Variants in KRTAP10-11 observed in about 807,000 individuals in gnomAD.
KRTAP10-11 encodes keratin-associated protein 10-11.
For missense variants in KRTAP10-11, 401 were observed against 378.8 expected (o/e 1.06, Z -0.49); for synonymous variants, 188 against 161.1 (o/e 1.17, Z -1.27).
chr21:44,647,262 C>G lies in KRTAP10-11; in HGVS notation c.804C>G (p.Cys268Trp). The change falls in exon 1 of 1, where the codon TGC (cysteine) becomes TGG (tryptophan). Residue 268 changes from cysteine to tryptophan, a missense_variant. Physicochemically the swap from Cys to Trp is radical, Grantham distance 215. Transcript: ENST00000334670. ...APTSSCQSSC[C>W]RPASCVSLLC... ...CCTCCTCCTGCCAGTCCAGCTGCTG[C>G]CGCCCGGCCTCCTGCGTGTCCCTCC... 2.5e-6 allele frequency: 4 copies of G among 1,601,810 alleles called. No individual in the cohort carries two copies. The highest frequency in any genetic ancestry group is 3.4e-6 in the Non-Finnish European group (4 of 1,172,812).
At position 44,647,066 on chromosome 21, in the gene KRTAP10-11, G is replaced by T; in HGVS notation, c.608G>T (p.Cys203Phe). The T allele has an allele frequency of 2.5e-6, 4 of 1,613,802 alleles. No homozygotes were observed. Among genetic ancestry groups the T allele is most frequent in the Non-Finnish European group, 3.4e-6 (4 of 1,179,898 alleles). The change falls in exon 1 of 1, where the codon TGC becomes TTC. Residue 203 changes from cysteine to phenylalanine, a missense_variant. Physicochemically the swap from Cys to Phe is radical, Grantham distance 205. Transcript: ENST00000334670. ...CCKTVYCKPI[C>F]CVPVCSRASS... ...AAGACTGTCTACTGCAAGCCCATCT[G>T]CTGTGTGCCTGTCTGCTCTAGGGCT...
In KRTAP10-11 at chr21:44,647,084, C is replaced by G. The variant is rs782528839; in HGVS notation, c.626C>G (p.Ser209Cys). 3.7e-6 allele frequency: 6 copies of G among 1,613,374 alleles called. No homozygotes were observed. In the South Asian group the frequency reaches 5.5e-5, roughly 15 times the overall value. Residue 209 changes from serine to cysteine, a missense_variant, in exon 1 of 1, where the codon TCT becomes TGT. Transcript: ENST00000334670. ...CCCATCTGCTGTGTGCCTGTCTGCTCTAGGGCTTCCTCTTCACGCTGCCAG... is the reference window on the plus strand; with the variant it reads ...CCCATCTGCTGTGTGCCTGTCTGCTGTAGGGCTTCCTCTTCACGCTGCCAG... ...CKPICCVPVCSRASSSRCQQP... is the reference protein window; with the variant it reads ...CKPICCVPVCCRASSSRCQQP...
rs1555940086 is a variant in KRTAP10-11, at chr21:44,646,912, T to A, written c.454T>A (p.Cys152Ser). 1 of 1,613,596 alleles carries A rather than the reference T, an allele frequency of 6.2e-7. No homozygotes were observed. Among genetic ancestry groups the A allele is most frequent in the African/African-American group, 1.3e-5 (1 of 74,724 alleles). The stretch of plus-strand genomic sequence containing the variant: ...GCCGGCCTGCTGTGTGCCCGTCTGC[T>A]GCAAGCCTGTGTGCTGTGTGTCCAC... Reference protein sequence around the residue: ...CQPACCVPVCCKPVCCVSTCS... With the variant: ...CQPACCVPVCSKPVCCVSTCS... The change falls in exon 1 of 1, where the codon TGC becomes AGC. Residue 152 changes from cysteine (C) to serine (S), a missense_variant. Physicochemically the swap from Cys to Ser is moderately radical, Grantham distance 112. Transcript: ENST00000334670.
At position 44,647,222 on chromosome 21, in the gene KRTAP10-11, C is replaced by G; in HGVS notation, c.764C>G (p.Ser255Cys). The change falls in exon 1 of 1, where the codon TCC becomes TGC. Residue 255 changes from serine to cysteine, a missense_variant. Coordinates refer to ENST00000334670, the MANE Select transcript of KRTAP10-11 (RefSeq NM_198692.3). Reference sequence around the variant, plus strand: ...TCCACCTGCTGTGTGCCCGTCTCCTCCTGCTGTGCCCCCACCTCCTCCTGC... The same window carrying G: ...TCCACCTGCTGTGTGCCCGTCTCCTGCTGCTGTGCCCCCACCTCCTCCTGC... ...CRSTCCVPVS[S>C]CCAPTSSCQS... 6.2e-7 allele frequency: 1 copy of G among 1,613,864 alleles called. No individual in the cohort carries two copies. The highest frequency in any genetic ancestry group is 1.1e-5 in the South Asian group (1 of 91,002).
In KRTAP10-11 at chr21:44,647,348, G is replaced by A; in HGVS notation, c.890G>A (p.Ser297Asn). Residue 297 changes from serine (S) to asparagine (N), a missense_variant, in exon 1 of 1, where the codon AGC becomes AAC. Coordinates refer to ENST00000334670, the MANE Select transcript of KRTAP10-11 (RefSeq NM_198692.3). ...AGCCTCTGCTCAGGCAAGAAGTCCA[G>A]CTGCTGAGTGCTCAATCCTTGTCTC... ...CYSLCSGKKS[S>N]C The A allele has an allele frequency of 6.2e-7, 1 of 1,613,460 alleles. No individual in the cohort carries two copies.
At position 44,647,185 on chromosome 21, in the gene KRTAP10-11, C is replaced by A. The variant is rs1984475622; in HGVS notation, c.727C>A (p.Pro243Thr). 1 of 1,613,772 alleles carries A rather than the reference C, an allele frequency of 6.2e-7. No homozygotes were observed. Among genetic ancestry groups the A allele is most frequent in the African/African-American group, 1.3e-5 (1 of 74,878 alleles). Reference sequence around the variant, plus strand: ...CTCCTCTGTGTCCCTCCTCTGCCACCCCGTGTGCAGGTCCACCTGCTGTGT... The same window carrying A: ...CTCCTCTGTGTCCCTCCTCTGCCACACCGTGTGCAGGTCCACCTGCTGTGT... ...PSSSVSLLCH[P>T]VCRSTCCVPV... The change falls in exon 1 of 1, where the codon CCC becomes ACC. Residue 243 changes from proline to threonine, a missense_variant. Transcript: ENST00000334670.
Position 44,647,256 on chromosome 21 carries a change from C to T in KRTAP10-11, c.798C>T (p.Ser266=), listed in dbSNP as rs587660459. The change falls in exon 1 of 1, where the codon AGC becomes AGT. Residue 266 remains serine, a synonymous_variant. Coordinates refer to ENST00000334670, the MANE Select transcript of KRTAP10-11 (RefSeq NM_198692.3). ...CCCCCACCTCCTCCTGCCAGTCCAG[C>T]TGCTGCCGCCCGGCCTCCTGCGTGT... ...CCAPTSSCQS[S]CCRPASCVSL... The T allele has an allele frequency of 7.5e-5, 120 of 1,602,898 alleles. No homozygotes were observed. The South Asian group carries it at 1.2e-3, about 16-fold the overall frequency.
chr21:44,647,245 T>C lies in KRTAP10-11; in HGVS notation c.787T>C (p.Cys263Arg), dbSNP rs376625605. Residue 263 changes from cysteine to arginine, a missense_variant, in exon 1 of 1, where the codon TGC becomes CGC. By Grantham distance (180) the Cys-to-Arg change is radical (BLOSUM62 -3). Coordinates refer to ENST00000334670, the MANE Select transcript of KRTAP10-11 (RefSeq NM_198692.3). ...VSSCCAPTSS[C>R]QSSCCRPASC... Reference sequence around the variant, plus strand: ...CTCCTGCTGTGCCCCCACCTCCTCCTGCCAGTCCAGCTGCTGCCGCCCGGC... The same window carrying C: ...CTCCTGCTGTGCCCCCACCTCCTCCCGCCAGTCCAGCTGCTGCCGCCCGGC... 35 of 1,604,646 alleles carry C rather than the reference T, an allele frequency of 2.2e-5. No homozygotes were observed. Among genetic ancestry groups the C allele is most frequent in the South Asian group, 4.5e-5 (4 of 89,698 alleles).
At position 44,647,278 on chromosome 21, in the gene KRTAP10-11, G is replaced by A. The variant is rs78821735; in HGVS notation, c.820G>A (p.Val274Met). 2.1e-3 allele frequency: 3,427 copies of A among 1,611,948 alleles called. 71 individuals are homozygous for A. In the African/African-American group the frequency reaches 0.04, roughly 19 times the overall value. Residue 274 changes from valine (V) to methionine (M), a missense_variant, in exon 1 of 1, where the codon GTG becomes ATG. Transcript: ENST00000334670. ...CAGCTGCTGCCGCCCGGCCTCCTGC[G>A]TGTCCCTCCTCTGCCGCCCCGCAAG... Reference protein sequence around the residue: ...QSSCCRPASCVSLLCRPASSR... With the variant: ...QSSCCRPASCMSLLCRPASSR...
At position 44,646,565 on chromosome 21, in the gene KRTAP10-11, G is replaced by A. The variant is rs954515995; in HGVS notation, c.107G>A (p.Cys36Tyr). 1.9e-6 allele frequency: 3 copies of A among 1,612,380 alleles called. No individual in the cohort carries two copies. Among genetic ancestry groups the A allele is most frequent in the Non-Finnish European group, 2.5e-6 (3 of 1,179,910 alleles). ...CCEPPCSAPS[C>Y]CAPAPSLSLV... Reference sequence around the variant, plus strand: ...GAGCCCCCCTGCAGCGCCCCCAGCTGCTGCGCCCCGGCCCCCTCCCTGAGC... The same window carrying A: ...GAGCCCCCCTGCAGCGCCCCCAGCTACTGCGCCCCGGCCCCCTCCCTGAGC... The change falls in exon 1 of 1, where the codon TGC (cysteine) becomes TAC (tyrosine). Residue 36 changes from cysteine to tyrosine, a missense_variant. Coordinates refer to ENST00000334670, the MANE Select transcript of KRTAP10-11 (RefSeq NM_198692.3).
chr21:44,647,458 A>G lies in KRTAP10-11; in HGVS notation c.*103A>G. The G allele has an allele frequency of 7.5e-7, 1 of 1,329,952 alleles. No individual in the cohort carries two copies. The highest frequency in any genetic ancestry group is 2.5e-5 in the East Asian group (1 of 40,758). 82.4% of individuals were successfully genotyped at this position (1,329,952 alleles called of 1,614,324 possible). A position where few individuals can be genotyped will look rare whatever the true frequency, so the allele number is the denominator to read the frequency against. Reference sequence around the variant, plus strand: ...CTCAGAATCCACCAGCTCCATCAGTAGCCACAGAGCTGCTGCCTGAAGGGG... The same window carrying G: ...CTCAGAATCCACCAGCTCCATCAGTGGCCACAGAGCTGCTGCCTGAAGGGG... On this transcript the variant is annotated 3_prime_UTR_variant, in exon 1 of 1. Coordinates refer to ENST00000334670, the MANE Select transcript of KRTAP10-11 (RefSeq NM_198692.3).
Position 44,647,382 on chromosome 21 carries a change from T to G in KRTAP10-11, c.*27T>G. 1 of 1,604,320 alleles carries G rather than the reference T, an allele frequency of 6.2e-7. No individual in the cohort carries two copies. Among genetic ancestry groups the G allele is most frequent in the Non-Finnish European group, 8.5e-7 (1 of 1,173,620 alleles). On this transcript the variant is annotated 3_prime_UTR_variant, in exon 1 of 1. Transcript: ENST00000334670. Reference sequence around the variant, plus strand: ...TGCTCAATCCTTGTCTCCTGCTGACTGTGTCTTTGCTGCCAAGCAGGATTC... The same window carrying G: ...TGCTCAATCCTTGTCTCCTGCTGACGGTGTCTTTGCTGCCAAGCAGGATTC...
Position 44,647,619 on chromosome 21 carries a change from T to G in KRTAP10-11, c.*264T>G. ...TATACCCAATGTGACAAAGAAGAACTGCTCTAATCAATAAATTCTTGAGTC... is the reference window on the plus strand; with the variant it reads ...TATACCCAATGTGACAAAGAAGAACGGCTCTAATCAATAAATTCTTGAGTC... On this transcript the variant is annotated 3_prime_UTR_variant, in exon 1 of 1. Coordinates refer to ENST00000334670, the MANE Select transcript of KRTAP10-11 (RefSeq NM_198692.3). 2 of 540,122 alleles carry G rather than the reference T, an allele frequency of 3.7e-6. No homozygotes were observed. Among genetic ancestry groups the G allele is most frequent in the Non-Finnish European group, 6.8e-6 (2 of 292,006 alleles). 33.5% of individuals were successfully genotyped at this position (540,122 alleles called of 1,614,324 possible). A position where few individuals can be genotyped will look rare whatever the true frequency, so the allele number is the denominator to read the frequency against.
In KRTAP10-11 at chr21:44,647,471, C is replaced by T. The variant is rs185275163; in HGVS notation, c.*116C>T. The T allele has an allele frequency of 4.0e-4, 499 of 1,240,346 alleles. No individual in the cohort carries two copies. The highest frequency in any genetic ancestry group is 5.0e-4 in the Non-Finnish European group (446 of 895,896). 76.8% of individuals were successfully genotyped at this position (1,240,346 alleles called of 1,614,324 possible). A position where few individuals can be genotyped will look rare whatever the true frequency, so the allele number is the denominator to read the frequency against. Reference sequence around the variant, plus strand: ...AGCTCCATCAGTAGCCACAGAGCTGCTGCCTGAAGGGGATTTTGAGCGCGT... The same window carrying T: ...AGCTCCATCAGTAGCCACAGAGCTGTTGCCTGAAGGGGATTTTGAGCGCGT... On this transcript the variant is annotated 3_prime_UTR_variant, in exon 1 of 1. Coordinates refer to ENST00000334670, the MANE Select transcript of KRTAP10-11 (RefSeq NM_198692.3).
Position 44,647,518 on chromosome 21 carries a change from T to A in KRTAP10-11, c.*163T>A. 3.5e-6 allele frequency: 3 copies of A among 855,358 alleles called. No individual in the cohort carries two copies. Among genetic ancestry groups the A allele is most frequent in the African/African-American group, 3.4e-5 (2 of 58,156 alleles). The allele number at this position is 855,358 out of a possible 1,614,324, so 53.0% of individuals were successfully genotyped here. Reference sequence around the variant, plus strand: ...GCGTCACACTTTCCTCCCCACTGTCTGGGAAGAGACAACCCACAAATCCCT... The same window carrying A: ...GCGTCACACTTTCCTCCCCACTGTCAGGGAAGAGACAACCCACAAATCCCT... On this transcript the variant is annotated 3_prime_UTR_variant, in exon 1 of 1. Coordinates refer to ENST00000334670, the MANE Select transcript of KRTAP10-11 (RefSeq NM_198692.3).
rs1984464359 is a variant in KRTAP10-11 at position 44,647,096 on chromosome 21, C to G, written c.638C>G (p.Ser213Cys). 1 of 1,613,732 alleles carries G rather than the reference C, an allele frequency of 6.2e-7. No individual in the cohort carries two copies. Among genetic ancestry groups the G allele is most frequent in the Non-Finnish European group, 8.5e-7 (1 of 1,179,918 alleles). Reference protein sequence around the residue: ...CCVPVCSRASSSRCQQPSCQP... With the variant: ...CCVPVCSRASCSRCQQPSCQP... ...GTGCCTGTCTGCTCTAGGGCTTCCT[C>G]TTCACGCTGCCAGCAGCCTAGCTGC... Residue 213 changes from serine (S) to cysteine (C), a missense_variant, in exon 1 of 1, where the codon TCT becomes TGT. Transcript: ENST00000334670.
chr21:44,646,735 T>TC, the KRTAP10-11 span: 1 of 1,613,766 alleles, frequency 6.2e-7, no homozygotes, highest in Non-Finnish European at 8.5e-7. Context: ...CTGCACCTCC[T>TC]CCCCCTGCCA....
chr21:44,647,559 G>A lies in KRTAP10-11; in HGVS notation c.*204G>A. On this transcript the variant is annotated 3_prime_UTR_variant, in exon 1 of 1. Coordinates refer to ENST00000334670, the MANE Select transcript of KRTAP10-11 (RefSeq NM_198692.3). ...ACAAATCCCTCAGCAGGTGGACTGT[G>A]GCTTTCTGGAGCCCCCTTCTCCAAA... The A allele has an allele frequency of 1.5e-6, 1 of 657,502 alleles. No homozygotes were observed. The highest frequency in any genetic ancestry group is 2.0e-5 in the South Asian group (1 of 49,302). The allele number at this position is 657,502 out of a possible 1,614,324, so 40.7% of individuals were successfully genotyped here.
In KRTAP10-11 at chr21:44,646,841, G is replaced by C; in HGVS notation, c.383G>C (p.Arg128Pro). ...VCCGAASSCC[R>P]QSSCQPACCA... ...TGTGGGGCTGCTTCTTCGTGCTGCC[G>C]GCAGTCTAGCTGCCAGCCAGCTTGC... The change falls in exon 1 of 1, where the codon CGG becomes CCG. Residue 128 changes from arginine (R) to proline (P), a missense_variant. Coordinates refer to ENST00000334670, the MANE Select transcript of KRTAP10-11 (RefSeq NM_198692.3). 1.9e-6 allele frequency: 3 copies of C among 1,569,100 alleles called. No homozygotes were observed. The highest frequency in any genetic ancestry group is 2.6e-6 in the Non-Finnish European group (3 of 1,157,720).
Sources: allele counts gnomAD v4.1 joint callset, GRCh38; gene constraint gnomAD v4.1.1; transcripts MANE v1.5; gene names NCBI Gene and HGNC (gene_info 2026-07-23, HGNC 2026-07-21).